The following FRY variants were observed in gnomAD, a reference collection of about 807,000 sequenced individuals.
The protein encoded by FRY is FRY microtubule binding protein.
FRY carries 128 observed loss-of-function variants against 348.4 expected under a neutral mutation model. The ratio of observed to expected loss-of-function variants is 0.37; its 90% CI spans 0.32 to 0.43. The LOEUF is 0.43. Among genes scored for constraint, FRY ranks in the 20% least tolerant of loss-of-function variants. The pLI is 1.00. For synonymous variants in FRY, 1,370 were observed against 1,374.7 expected (o/e 1.00, Z 0.08); for missense variants, 2,736 against 3,695.2 (o/e 0.74, Z 6.73).
chr13:32,169,898 C>T (rs1881957666), intron 17 of FRY, among the ~76,000 whole-genome samples: 1 of 152,332 alleles, frequency 6.6e-6, no homozygotes, highest in Admixed American at 6.5e-5. Flanking sequence ...CACAGATACA[C>T]TAGAATTCTG....
chr13:32,175,446 A>G (rs1882307585), intron 19 of FRY, 100 bp from the exon 20 acceptor site: 3 of 794,754 alleles, frequency 3.8e-6, no homozygotes, highest in Non-Finnish European at 6.8e-6. Context: ...CCTTATCACT[A>G]TCTCACAAGC....
chr13:32,128,248 C>T (rs1236560726), intron 7 of FRY, among the ~76,000 whole-genome samples: 4 of 152,100 alleles, frequency 2.6e-5, no homozygotes, highest in Admixed American at 6.5e-5. Context: ...TAATTAATTA[C>T]GCAGATGAGA....
In FRY at chr13:32,211,230, G is replaced by A. The variant is rs138561398; in HGVS notation, c.4591+196G>A. Among the ~76,000 whole-genome samples, 9 of 152,340 alleles carry A rather than the reference G, an allele frequency of 5.9e-5. No homozygotes were observed. In the South Asian group the frequency reaches 1.9e-3, roughly 32 times the overall value. On this transcript the variant is annotated intron_variant, in intron 34 of 60. Coordinates refer to ENST00000542859, the MANE Select transcript of FRY (RefSeq NM_023037.3). ...CACGCCTGTAATCCCAGCACTTTGG[G>A]AGGCTGAGGCTGAAGTCAGGAGTTC... is the stretch of plus-strand genomic sequence containing the variant.
rs1305488667 is a variant in FRY at position 32,178,188 on chromosome 13, A to T, written c.2433A>T (p.Pro811=). 6.2e-7 allele frequency: 1 copy of T among 1,613,984 alleles called. No individual in the cohort carries two copies. Among genetic ancestry groups the T allele is most frequent in the Non-Finnish European group, 8.5e-7 (1 of 1,180,014 alleles). The change falls in exon 21 of 61, where the codon CCA becomes CCT. Residue 811 remains proline (P), a synonymous_variant. Transcript: ENST00000542859. Reference sequence around the variant, plus strand: ...TCTTATACCTACAGGCAACATTACCACTCACCCACAATGTGGATCTGCAGT... The same window carrying T: ...TCTTATACCTACAGGCAACATTACCTCTCACCCACAATGTGGATCTGCAGT... ...HVAVSDSATL[P]LTHNVDLQWL... is the part of the protein sequence containing the mutation.
At chr13:32,045,891 G>A (rs75091699) in intron 1 of FRY, among the ~76,000 whole-genome samples, 212 of 152,286 alleles carry the variant, frequency 1.4e-3, no homozygotes, top group African/African-American at 5.0e-3. Flanking sequence ...ATTGAGGAAA[G>A]GCTTGCTGAA....
Position 32,239,557 on chromosome 13 carries a change from TG to T in FRY, c.6517-153del, listed in dbSNP as rs764221530. On this transcript the variant is annotated intron_variant, in intron 45 of 60. Transcript: ENST00000542859. This position sits in a 1 kb window ranked among gnomAD's most constrained non-coding sequence, Gnocchi z 4.3. ...TGAGAATGCAGGTGGGAAGAATTTG[TG>T]AAAATTATATTAGCCAAGCTAAGTA... Among the ~76,000 whole-genome samples the T allele has an allele frequency of 9.2e-5, 14 of 152,244 alleles. 1 individual carries two copies. Among genetic ancestry groups the T allele is most frequent in the Non-Finnish European group, 8.8e-5 (6 of 68,050 alleles).
intron 29 of FRY, among the ~76,000 whole-genome samples, chr13:32,198,910 C>T (rs1464743143): frequency 6.6e-6 from 1 of 152,182 alleles, no homozygotes; most frequent in African/African-American, 2.4e-5. Flanking sequence ...TGCCCTTTGA[C>T]CCTGCATGAC....
chr13:32,116,516 G>C (rs1055415707), intron 3 of FRY, among the ~76,000 whole-genome samples: 1 of 152,128 alleles, frequency 6.6e-6, no homozygotes. Flanking sequence ...CTTTGCTTAT[G>C]GGGCCGTACC....
At chr13:32,061,130 C>A (rs1313634332) in intron 1 of FRY, 2 of 533,198 alleles carry the variant, frequency 3.8e-6, no homozygotes, top group South Asian at 1.4e-5. Context: ...TTGTTGGAGA[C>A]GATCCTGTGT....
At chr13:32,207,184 T>G (rs1165364966) in intron 31 of FRY, among the ~76,000 whole-genome samples, 1 of 152,206 alleles carries the variant, frequency 6.6e-6, no homozygotes, top group Non-Finnish European at 1.5e-5. Context: ...TCCATAGATT[T>G]TTATACCATT....
At chr13:32,280,075 T>C (rs1358147545) in intron 58 of FRY, among the ~76,000 whole-genome samples, 1 of 152,168 alleles carries the variant, frequency 6.6e-6, no homozygotes, top group Non-Finnish European at 1.5e-5. Context: ...CCTTAAGTCA[T>C]TTGCTCTCTC....
chr13:32,140,089 A>AC (rs1879966274), intron 11 of FRY, among the ~76,000 whole-genome samples: 1 of 149,470 alleles, frequency 6.7e-6, no homozygotes. Context: ...ATTATTAAAA[A>AC]AAAAACAAAA....
chr13:32,086,141 C>A (rs190359195), intron 2 of FRY: 2 of 395,706 alleles, frequency 5.1e-6, no homozygotes, highest in Admixed American at 6.0e-5. Context: ...AAAATAAGAA[C>A]CGCATAATGG....
At chr13:32,218,598 G>A (rs1446559765) in intron 35 of FRY, 151 bp from the exon 36 acceptor site, 5 of 592,036 alleles carry the variant, frequency 8.4e-6, no homozygotes, top group Middle Eastern at 4.7e-4. Context: ...AGAATTGCTT[G>A]AACCTGGAAG....
At chr13:32,201,236 C>G (rs1310306176) in intron 29 of FRY, among the ~76,000 whole-genome samples, 1 of 152,222 alleles carries the variant, frequency 6.6e-6, no homozygotes, top group Non-Finnish European at 1.5e-5. Context: ...CTGGAACACT[C>G]CTGTACTACC....
intron 23 of FRY, among the ~76,000 whole-genome samples, chr13:32,180,494 C>A (rs1012400685): frequency 6.6e-6 from 1 of 152,240 alleles, no homozygotes; most frequent in Admixed American, 6.5e-5. Flanking sequence ...CTCAGCCCCC[C>A]AAAGTGCTGG....
chr13:32,268,290 T>C (rs1219814198), intron 55 of FRY, among the ~76,000 whole-genome samples: 1 of 152,090 alleles, frequency 6.6e-6, no homozygotes, highest in African/African-American at 2.4e-5. Flanking sequence ...CATGCCTTGC[T>C]GTGAAGAAAC....
At chr13:32,173,859 A>AT (rs1453717042) in intron 19 of FRY, among the ~76,000 whole-genome samples, 1 of 152,254 alleles carries the variant, frequency 6.6e-6, no homozygotes, top group African/African-American at 2.4e-5. Flanking sequence ...ATATCTAATT[A>AT]AGAAGATATT....
chr13:32,225,171 C>T, intron 38 of FRY, 135 bp downstream of exon 38: 1 of 705,246 alleles, frequency 1.4e-6, no homozygotes, highest in East Asian at 2.7e-5. Context: ...TTTTTCATTG[C>T]CCTTTTGTGA....
Sources: gnomAD v4.1 joint callset for allele counts (sites outside exome capture counted in the v4.1 genomes callset) on GRCh38, gnomAD v4.1.1 for gene constraint, Gnocchi (gnomAD v3.1) non-coding constraint, MANE v1.5 for transcripts, NCBI Gene and HGNC (gene_info 2026-07-23, HGNC 2026-07-21) for gene names.